STRADB: variants seen among roughly 807,000 people sequenced by gnomAD.
STRADB encodes the protein STE20-related kinase adapter protein beta.
Under a neutral mutation model 52.1 loss-of-function variants are expected in STRADB, and 34 were observed. The observed-to-expected ratio is 0.65, with a 90% CI of 0.50 to 0.87. STRADB has a LOEUF of 0.87. Ranked by LOEUF, STRADB falls within the 40% of genes least tolerant of loss-of-function variation. The probability of loss-of-function intolerance (pLI) is 0.00; values close to 1 mark genes in which losing one functional copy is unlikely to be tolerated. For synonymous variants in STRADB, 133 were observed against 174.5 expected (o/e 0.76, Z 1.87); for missense variants, 340 against 483.9 (o/e 0.70, Z 2.79).
chr2:201,475,579 C>CT (rs1559468294), intron 6 of STRADB, 40 bp from the exon 7 acceptor site: 1 of 1,610,894 alleles, frequency 6.2e-7, no homozygotes, highest in East Asian at 2.2e-5. Context: ...AGCAAAATCA[C>CT]TTTCAATGTT....
rs552396726 is a variant in STRADB at position 201,477,977 on chromosome 2, T to C, written c.721-110T>C. The C allele has an allele frequency of 5.9e-5, 70 of 1,180,838 alleles. No individual in the cohort carries two copies. The South Asian group carries it at 9.6e-4, about 16-fold the overall frequency. 73.1% of individuals were successfully genotyped at this position (1,180,838 alleles called of 1,614,324 possible). Reference sequence around the variant, plus strand: ...GAAGTGTGTCTTGATTTGTCGCTTATGGGTTTCTTTTCCATTATTGTTCAC... The same window carrying C: ...GAAGTGTGTCTTGATTTGTCGCTTACGGGTTTCTTTTCCATTATTGTTCAC... On this transcript the variant is annotated intron_variant, in intron 8 of 11. Transcript: ENST00000194530.
intron 11 of STRADB, 34 bp downstream of exon 11, chr2:201,479,565 T>TTTAA: frequency 1.3e-6 from 2 of 1,577,152 alleles, no homozygotes; most frequent in African/African-American, 2.7e-5. Context: ...TCTCGATGTT[T>TTTAA]TTAATTACTA....
chr2:201,457,090 C>T (rs1027104789), intron 2 of STRADB, among the ~76,000 whole-genome samples: 5 of 152,140 alleles, frequency 3.3e-5, no homozygotes, highest in East Asian at 1.9e-4. Context: ...ACACAGTGAG[C>T]GATTCTTATG....
intron 7 of STRADB, 114 bp downstream of exon 7, chr2:201,475,856 G>A: frequency 8.3e-7 from 1 of 1,200,900 alleles, no homozygotes; most frequent in Non-Finnish European, 1.2e-6. Context: ...AAACTTGTAA[G>A]TGAAAATTGA....
chr2:201,469,890 A>T, intron 3 of STRADB, 63 bp from the exon 4 acceptor site: 1 of 1,239,656 alleles, frequency 8.1e-7, no homozygotes, highest in Non-Finnish European at 1.2e-6. Context: ...CCAGTGTTTT[A>T]TATTAGGGCA....
intron 4 of STRADB, among the ~76,000 whole-genome samples, chr2:201,470,352 T>C (rs1952370085): frequency 6.6e-6 from 1 of 152,246 alleles, no homozygotes; most frequent in South Asian, 2.1e-4. Context: ...GGGTATAATT[T>C]CTACTGGGTA....
chr2:201,473,105 T>C, intron 5 of STRADB, 29 bp downstream of exon 5: 1 of 1,598,292 alleles, frequency 6.3e-7, no homozygotes. Context: ...TGATACACAG[T>C]TGGGCCTCTG....
chr2:201,475,571 C>G, intron 6 of STRADB, 48 bp from the exon 7 acceptor site: 1 of 1,609,938 alleles, frequency 6.2e-7, no homozygotes, highest in South Asian at 1.1e-5. Flanking sequence ...CAGCTGGAAG[C>G]AAAATCACTT....
At chr2:201,475,019 C>T in intron 6 of STRADB, among the ~76,000 whole-genome samples, 1 of 152,176 alleles carries the variant, frequency 6.6e-6, no homozygotes, top group Non-Finnish European at 1.5e-5. Flanking sequence ...CCTTCAGCTT[C>T]CTTCCCCTCT....
intron 1 of STRADB, among the ~76,000 whole-genome samples, chr2:201,452,382 G>A (rs182056024): frequency 2.1e-4 from 32 of 152,378 alleles, no homozygotes; most frequent in Non-Finnish European, 4.1e-4. Flanking sequence ...GCAGGACTAG[G>A]AAGGAACCTT....
intron 6 of STRADB, among the ~76,000 whole-genome samples, chr2:201,475,159 C>A (rs775380518): frequency 2.6e-5 from 4 of 152,090 alleles, no homozygotes; most frequent in Non-Finnish European, 4.4e-5. Flanking sequence ...TGTCCATGTC[C>A]CTCACTGGAC....
rs201665790 is a variant in STRADB at position 201,458,775 on chromosome 2, G to A, written c.13-9G>A. On this transcript the variant is annotated splice_polypyrimidine_tract_variant and intron_variant, in intron 2 of 11. Transcript: ENST00000194530. ...TTTTTCACTTATATAATGCATTTCT[G>A]ACTTCCAGGATTGCTTCTGCACTTC... The A allele has an allele frequency of 2.5e-6, 4 of 1,612,532 alleles. No homozygotes were observed. Among genetic ancestry groups the A allele is most frequent in the Non-Finnish European group, 3.4e-6 (4 of 1,179,200 alleles).
intron 1 of STRADB, among the ~76,000 whole-genome samples, chr2:201,452,842 A>G (rs759601513): frequency 5.3e-5 from 8 of 152,212 alleles, no homozygotes; most frequent in Non-Finnish European, 1.0e-4. Context: ...GAACCATTCT[A>G]TTATGGAACA....
Position 201,470,062 on chromosome 2 carries a change from C to T in STRADB, c.193+10C>T. On this transcript the variant is annotated intron_variant, in intron 4 of 11. Coordinates refer to ENST00000194530, the MANE Select transcript of STRADB (RefSeq NM_018571.6). ...CTCCAAGTAGAAATAGGTAATAATC[C>T]TGAATTTCTAATTGACCCTTCAGTG... is the stretch of plus-strand genomic sequence containing the variant. 6.3e-7 allele frequency: 1 copy of T among 1,587,200 alleles called. No homozygotes were observed. The highest frequency in any genetic ancestry group is 8.7e-7 in the Non-Finnish European group (1 of 1,155,666).
chr2:201,457,484 C>G (rs1446008272), intron 2 of STRADB: 2 of 151,940 alleles, frequency 1.3e-5, no homozygotes, highest in Non-Finnish European at 2.9e-5. Flanking sequence ...GAATATATAC[C>G]AAATTTTTGT....
intron 8 of STRADB, 143 bp from the exon 9 acceptor site, chr2:201,477,944 C>A (rs1033386981): frequency 1.7e-6 from 2 of 1,162,638 alleles, no homozygotes; most frequent in Non-Finnish European, 2.5e-6. Flanking sequence ...AAATTAAATA[C>A]CATATATGAA....
At chr2:201,468,085 C>CTTTTCTT (rs1559465545) in intron 3 of STRADB, among the ~76,000 whole-genome samples, 3 of 71,028 alleles carry the variant, frequency 4.2e-5, no homozygotes, top group Non-Finnish European at 8.8e-5. Flanking sequence ...TTTTTTTTTT[C>CTTTTCTT]TTTTTTTTTT....
At chr2:201,456,198 C>G (rs1952124858) in intron 2 of STRADB, among the ~76,000 whole-genome samples, 1 of 152,210 alleles carries the variant, frequency 6.6e-6, no homozygotes, top group Admixed American at 6.5e-5. Flanking sequence ...TATCTGTGTT[C>G]CAGTAAAACT....
chr2:201,475,868 G>T, intron 7 of STRADB, 126 bp downstream of exon 7: 1 of 1,040,506 alleles, frequency 9.6e-7, no homozygotes, highest in Non-Finnish European at 1.4e-6. Flanking sequence ...GAAAATTGAG[G>T]GAGGAAGGGA....
Sources: gnomAD v4.1 joint callset for allele counts (sites outside exome capture counted in the v4.1 genomes callset) on GRCh38, gnomAD v4.1.1 for gene constraint, MANE v1.5 for transcripts, NCBI Gene and HGNC (gene_info 2026-07-23, HGNC 2026-07-21) for gene names.